The following PTPRD variants were observed in gnomAD, a reference collection of about 807,000 sequenced individuals.
The protein encoded by PTPRD is protein tyrosine phosphatase receptor type D, also known as receptor-type tyrosine-protein phosphatase delta.
A neutral mutation model predicts 214.5 loss-of-function variants in PTPRD; 34 were observed. That is an observed-to-expected ratio of 0.16 (90% CI 0.12 to 0.21). The LOEUF (loss-of-function observed/expected upper bound fraction) is 0.21, where lower values mean the gene tolerates loss of function less well. PTPRD is among the 10% of genes least tolerant of loss of function. PTPRD has a pLI of 1.00. For synonymous variants in PTPRD, 1,128 were observed against 845.7 expected (o/e 1.33, Z -5.79); for missense variants, 2,545 against 2,398.7 (o/e 1.06, Z -1.27).
At chr9:9,048,537 T>G (rs1011222051) in intron 10 of PTPRD, among the ~76,000 whole-genome samples, 1 of 152,142 alleles carries the variant, frequency 6.6e-6, no homozygotes, top group East Asian at 1.9e-4. Flanking sequence ...TTATGATACA[T>G]GAAATAAGCC....
At chr9:8,698,851 T>C (rs752022507) in intron 12 of PTPRD, among the ~76,000 whole-genome samples, 2 of 152,206 alleles carry the variant, frequency 1.3e-5, no homozygotes, top group Non-Finnish European at 2.9e-5. Flanking sequence ...GTTCTTAACA[T>C]GCCCAATAAA....
At chr9:9,509,413 G>T (rs1249217608) in intron 8 of PTPRD, among the ~76,000 whole-genome samples, 1 of 151,290 alleles carries the variant, frequency 6.6e-6, no homozygotes, top group Non-Finnish European at 1.5e-5. Flanking sequence ...AAGCCTCCTA[G>T]ATAGTGTCAA....
chr9:9,795,520 T>A (rs1213361760), intron 5 of PTPRD, among the ~76,000 whole-genome samples: 1 of 152,120 alleles, frequency 6.6e-6, no homozygotes, highest in East Asian at 1.9e-4. Flanking sequence ...AAATAAAGTA[T>A]AAGCATAGTA....
chr9:8,673,275 A>C (rs2097326576), intron 12 of PTPRD, among the ~76,000 whole-genome samples: 1 of 152,148 alleles, frequency 6.6e-6, no homozygotes, highest in Non-Finnish European at 1.5e-5. Context: ...ACAAAACAAA[A>C]TTTGAAGCAA....
chr9:9,042,060 G>T (rs1438461606), intron 10 of PTPRD, among the ~76,000 whole-genome samples: 2 of 152,162 alleles, frequency 1.3e-5, no homozygotes, highest in Admixed American at 1.3e-4. Flanking sequence ...ACTGAACTAT[G>T]CATGGTCTGG....
chr9:8,757,175 G>A (rs1259005362), intron 11 of PTPRD, among the ~76,000 whole-genome samples: 2 of 152,062 alleles, frequency 1.3e-5, no homozygotes, highest in African/African-American at 4.8e-5. Flanking sequence ...AATATTTATT[G>A]TCAACTCTCT....
intron 8 of PTPRD, among the ~76,000 whole-genome samples, chr9:9,402,966 G>GCAAAAAAAAAAA (rs770003250): frequency 1.3e-5 from 1 of 78,600 alleles, no homozygotes; most frequent in Non-Finnish European, 2.3e-5. Flanking sequence ...CTAATAGGGA[G>GCAAAAAAAAAAA]AAAAAAAAAA....
chr9:10,243,871 C>G (rs2091594496), intron 3 of PTPRD, among the ~76,000 whole-genome samples: 1 of 151,914 alleles, frequency 6.6e-6, no homozygotes, highest in South Asian at 2.1e-4. Context: ...CTGGATTAAT[C>G]ATTTTTTTTT....
At position 8,326,460 on chromosome 9, in the gene PTPRD, G is replaced by A. The variant is rs542126884; in HGVS notation, c.5534+5122C>T. On this transcript the variant is annotated intron_variant, in intron 44 of 45. Transcript: ENST00000381196. ...GGATAAGCTTTTTGATGTGCTGCTG[G>A]ATTCGGTTTGCCAGTATTTTATTGA... Among the ~76,000 whole-genome samples, 70 of 151,594 alleles carry A rather than the reference G, an allele frequency of 4.6e-4. 1 individual carries two copies. Among genetic ancestry groups the A allele is most frequent in the African/African-American group, 1.6e-3 (67 of 41,458 alleles).
chr9:9,865,145 T>C (rs2063662932), intron 5 of PTPRD, among the ~76,000 whole-genome samples: 1 of 152,188 alleles, frequency 6.6e-6, no homozygotes, highest in Non-Finnish European at 1.5e-5. Flanking sequence ...ATGTATGCAT[T>C]GGGATGAATG....
At chr9:10,046,021 A>G (rs553601555) in intron 3 of PTPRD, among the ~76,000 whole-genome samples, 8 of 151,890 alleles carry the variant, frequency 5.3e-5, no homozygotes, top group Non-Finnish European at 8.9e-5. Context: ...ACTTATTGTT[A>G]AACTAGAAAA....
At chr9:10,259,615 A>G (rs529238100) in intron 3 of PTPRD, among the ~76,000 whole-genome samples, 52 of 152,278 alleles carry the variant, frequency 3.4e-4, no homozygotes, top group African/African-American at 1.2e-3. Context: ...CAATCGATTA[A>G]TTCACACAGT....
At chr9:8,572,705 C>T (rs139453057) in intron 14 of PTPRD, among the ~76,000 whole-genome samples, 60 of 151,980 alleles carry the variant, frequency 3.9e-4, no homozygotes, top group African/African-American at 1.4e-3. Flanking sequence ...CAAAACCTAG[C>T]AGGAAGTCTA....
intron 3 of PTPRD, among the ~76,000 whole-genome samples, chr9:10,058,434 C>A (rs2097698996): frequency 6.6e-6 from 1 of 152,034 alleles, no homozygotes; most frequent in African/African-American, 2.4e-5. Context: ...TGCTACTTAT[C>A]AAAATGTATA....
At position 9,040,577 on chromosome 9, in the gene PTPRD, GA is replaced by G. The variant is rs1298225194; in HGVS notation, c.-142-21843del. 1.4e-4 allele frequency among the ~76,000 whole-genome samples: 12 copies of G among 87,790 alleles called. No individual in the cohort carries two copies. The South Asian group carries it at 4.0e-3, about 29-fold the overall frequency. The allele number at this position is 87,790 out of a possible 152,430, so 57.6% of individuals were successfully genotyped here. ...GTGTTCATAAATAACAGTTCCCGAA[GA>G]ATTTTTTTTTTCATAACTGGTTTTG... On this transcript the variant is annotated intron_variant, in intron 10 of 45. Transcript: ENST00000381196.
intron 39 of PTPRD, among the ~76,000 whole-genome samples, chr9:8,371,146 A>C (rs1370786726): frequency 6.6e-6 from 1 of 152,090 alleles, no homozygotes; most frequent in Non-Finnish European, 1.5e-5. Flanking sequence ...TGGTAGAAAA[A>C]GGAACTCAGA....
At chr9:10,548,888 T>C (rs751448849) in intron 2 of PTPRD, among the ~76,000 whole-genome samples, 11 of 152,182 alleles carry the variant, frequency 7.2e-5, no homozygotes, top group Admixed American at 2.6e-4. Context: ...TAGGACACTG[T>C]TAATGTGCAT....
chr9:9,618,071 CAAAAAAAAAAAAAAAAAAAAA>C lies in PTPRD; in HGVS notation c.-286-43311_-286-43291del, dbSNP rs34125624. Among the ~76,000 whole-genome samples, 19 of 23,030 alleles carry C rather than the reference CAAAAAAAAAAAAAAAAAAAAA, an allele frequency of 8.3e-4. No homozygotes were observed. In the Admixed American group the frequency reaches 0.013, roughly 16 times the overall value. 15.1% of individuals were successfully genotyped at this position (23,030 alleles called of 152,430 possible). On this transcript the variant is annotated intron_variant, in intron 7 of 45. Coordinates refer to ENST00000381196, the MANE Select transcript of PTPRD (RefSeq NM_002839.4). ...TGGGCGACAGAGCGAGACTCCATCT[CAAAAAAAAAAAAAAAAAAAAA>C]AAAAAAAAAAAAGATTTTGTCTTCT...
At chr9:8,395,618 A>G (rs12005474) in intron 36 of PTPRD, among the ~76,000 whole-genome samples, 20,494 of 151,602 alleles carry the variant, frequency 0.14, 3,062 homozygotes, top group African/African-American at 0.37. Flanking sequence ...CCAAGTTTCT[A>G]CAAAACACAT....
Sources: allele counts gnomAD v4.1 joint callset (sites outside exome capture counted in the v4.1 genomes callset), GRCh38; gene constraint gnomAD v4.1.1; transcripts MANE v1.5; gene names NCBI Gene and HGNC (gene_info 2026-07-23, HGNC 2026-07-21).